KLC1: variants seen among roughly 807,000 people sequenced by gnomAD.
KLC1 encodes the protein kinesin light chain 1.
A neutral mutation model predicts 84.2 loss-of-function variants in KLC1; 30 were observed. The observed-to-expected ratio is 0.36, with a 90% confidence interval of 0.27 to 0.48. The LOEUF (loss-of-function observed/expected upper bound fraction) is 0.48. Among genes scored for constraint, KLC1 ranks in the 20% least tolerant of loss-of-function variants. KLC1 has a pLI of 0.99. For synonymous variants in KLC1, 289 were observed against 293.3 expected (o/e 0.99, Z 0.15); for missense variants, 499 against 805.4 (o/e 0.62, Z 4.60).
intron 1 of KLC1, among the ~76,000 whole-genome samples, chr14:103,634,351 G>T (rs2076898945): frequency 6.6e-6 from 1 of 152,114 alleles, no homozygotes; most frequent in Non-Finnish European, 1.5e-5. Context: ...TCTAATTTGG[G>T]TGATTCACTG....
chr14:103,665,381 T>C (rs1411124354), intron 5 of KLC1, among the ~76,000 whole-genome samples: 1 of 151,782 alleles, frequency 6.6e-6, no homozygotes, highest in Non-Finnish European at 1.5e-5. Flanking sequence ...TGATTTCTTT[T>C]CTTTCTTTCT....
chr14:103,631,115 C>G (rs970193715), intron 1 of KLC1, among the ~76,000 whole-genome samples: 2 of 151,300 alleles, frequency 1.3e-5, no homozygotes, highest in African/African-American at 2.4e-5. Flanking sequence ...GAGTCTCGCT[C>G]TGTCGCCCGG....
In KLC1 at chr14:103,673,374, A is replaced by G; in HGVS notation, c.1204A>G (p.Thr402Ala). The G allele has an allele frequency of 1.2e-6, 2 of 1,609,392 alleles. No individual in the cohort carries two copies. The highest frequency in any genetic ancestry group is 1.1e-5 in the South Asian group (1 of 89,596). ...ACAAGGAAAGTTCAAGCAAGCAGAAACACTGTACAAAGAGATTCTCACTCG... is the reference window on the plus strand; with the variant it reads ...ACAAGGAAAGTTCAAGCAAGCAGAAGCACTGTACAAAGAGATTCTCACTCG... ...LKQGKFKQAE[T>A]LYKEILTRAH... Residue 402 changes from threonine to alanine, a missense_variant, in exon 9 of 17, where the codon ACA becomes GCA. Physicochemically the swap from Thr to Ala is moderately conservative, Grantham distance 58. Transcript: ENST00000334553.
intron 12 of KLC1, among the ~76,000 whole-genome samples, chr14:103,678,606 C>G (rs967206729): frequency 6.6e-6 from 1 of 151,594 alleles, no homozygotes; most frequent in Non-Finnish European, 1.5e-5. Flanking sequence ...GGGAGGATCG[C>G]TTGAACCCGG....
At chr14:103,684,728 G>C in intron 13 of KLC1, 1 of 467,132 alleles carries the variant, frequency 2.1e-6, no homozygotes, top group Admixed American at 3.3e-5. Flanking sequence ...GCACGCGTGT[G>C]TGTGTGTGTC....
chr14:103,663,639 C>G (rs1235825391), intron 5 of KLC1, among the ~76,000 whole-genome samples: 1 of 152,158 alleles, frequency 6.6e-6, no homozygotes, highest in Non-Finnish European at 1.5e-5. Context: ...ATTCAACTTG[C>G]CCTTTGCCCC....
chr14:103,643,520 G>A lies in KLC1; in HGVS notation c.-1-11044G>A, dbSNP rs544091565. ...TCTGAGCCAAATATGAGTGACCATG[G>A]CCCGTGACACAGCCCTCAGGAAGTC... is the stretch of plus-strand genomic sequence containing the variant. On this transcript the variant is annotated intron_variant, in intron 1 of 16. Transcript: ENST00000334553. Among the ~76,000 whole-genome samples, 15 of 152,332 alleles carry A rather than the reference G, an allele frequency of 9.8e-5. No homozygotes were observed. In the East Asian group the frequency reaches 2.3e-3, roughly 23 times the overall value.
chr14:103,694,699 C>T lies in KLC1; in HGVS notation c.1848+2274C>T, dbSNP rs1567042908. The T allele has an allele frequency of 3.2e-5, 32 of 985,342 alleles. No individual in the cohort carries two copies. The highest frequency in any genetic ancestry group is 1.1e-4 in the East Asian group (1 of 8,832). The allele number at this position is 985,342 out of a possible 1,614,324, so 61.0% of individuals were successfully genotyped here. A position where few individuals can be genotyped will look rare whatever the true frequency, so the allele number is the denominator to read the frequency against. The stretch of plus-strand genomic sequence containing the variant: ...GCGGTCTGTGAAACACCAGCCATCC[C>T]GTGAAAGCTCAGCTTGCCACTGTCA... On this transcript the variant is annotated intron_variant, in intron 15 of 16. Coordinates refer to ENST00000334553, the MANE Select transcript of KLC1 (RefSeq NM_001394837.1). The surrounding 1 kb of genome is among the most constrained non-coding windows in gnomAD (Gnocchi z 4.5).
intron 1 of KLC1, among the ~76,000 whole-genome samples, chr14:103,649,543 A>G (rs1447052289): frequency 6.7e-6 from 1 of 148,190 alleles, no homozygotes; most frequent in Non-Finnish European, 1.5e-5. Context: ...AGCCTGGGCA[A>G]CATGGTGAGA....
At chr14:103,648,765 C>T (rs1412009605) in intron 1 of KLC1, among the ~76,000 whole-genome samples, 1 of 152,104 alleles carries the variant, frequency 6.6e-6, no homozygotes, top group African/African-American at 2.4e-5. Context: ...CATGCCACTG[C>T]ACTTCAGCCT....
intron 1 of KLC1, among the ~76,000 whole-genome samples, chr14:103,642,751 T>C (rs1424674885): frequency 2.6e-5 from 4 of 151,378 alleles, no homozygotes; most frequent in Non-Finnish European, 5.9e-5. Context: ...ATAAATAATG[T>C]AGTTTTTTGG....
At position 103,660,298 on chromosome 14, in the gene KLC1, T is replaced by C. The variant is rs143877232; in HGVS notation, c.493-1818T>C. Among the ~76,000 whole-genome samples, 662 of 151,900 alleles carry C rather than the reference T, an allele frequency of 4.4e-3. 1 individual carries two copies. The highest frequency in any genetic ancestry group is 6.0e-3 in the Non-Finnish European group (411 of 67,946). ...GAGTTGGAGGACAGCCTGGCCAATATAGTGAAACCCTATCTCTACTAAAAA... is the reference window on the plus strand; with the variant it reads ...GAGTTGGAGGACAGCCTGGCCAATACAGTGAAACCCTATCTCTACTAAAAA... On this transcript the variant is annotated intron_variant, in intron 3 of 16. Coordinates refer to ENST00000334553, the MANE Select transcript of KLC1 (RefSeq NM_001394837.1).
chr14:103,681,413 G>A (rs1345031482), intron 13 of KLC1, among the ~76,000 whole-genome samples: 1 of 152,168 alleles, frequency 6.6e-6, no homozygotes, highest in Non-Finnish European at 1.5e-5. Context: ...AAGGTTCTGA[G>A]AAGGCAGAAT....
intron 12 of KLC1, among the ~76,000 whole-genome samples, chr14:103,677,825 G>A (rs2081030524): frequency 6.6e-6 from 1 of 151,754 alleles, no homozygotes; most frequent in Non-Finnish European, 1.5e-5. Context: ...TGGGCGTGGT[G>A]GCACACGCCT....
rs1261352683 is a variant in KLC1, at chr14:103,657,707, G to A, written c.423G>A (p.Leu141=). 3 of 1,614,026 alleles carry A rather than the reference G, an allele frequency of 1.9e-6. No individual in the cohort carries two copies. Among genetic ancestry groups the A allele is most frequent in the East Asian group, 2.2e-5 (1 of 44,894 alleles). The change falls in exon 3 of 17, where the codon CTG becomes CTA. Residue 141 remains leucine (L), a synonymous_variant. Transcript: ENST00000334553. The part of the protein sequence containing the change: ...LQKSEQSVAQ[L]EEEKKHLEFM... ...AGAGTGAGCAGTCTGTGGCTCAACT[G>A]GAGGAGGAGAAGAAGCATCTGGAGT...
intron 1 of KLC1, among the ~76,000 whole-genome samples, chr14:103,638,531 T>C (rs2077222563): frequency 6.6e-6 from 1 of 151,908 alleles, no homozygotes; most frequent in Admixed American, 6.6e-5. Context: ...TTTTTTTTTT[T>C]CTTAACTTTC....
rs1301279531 is a variant in KLC1 at position 103,642,769 on chromosome 14, G to GT, written c.-1-11779dup. Among the ~76,000 whole-genome samples the GT allele has an allele frequency of 7.6e-3, 1,065 of 139,864 alleles. 9 individuals carry two copies. The highest frequency in any genetic ancestry group is 0.023 in the East Asian group (114 of 4,874). The allele number at this position is 139,864 out of a possible 152,430, so 91.8% of individuals were successfully genotyped here. A position where few individuals can be genotyped will look rare whatever the true frequency, so the allele number is the denominator to read the frequency against. Reference sequence around the variant, plus strand: ...AATAATGTAGTTTTTTGGTTTTTTGGTTTTTTTTTTTTTTTTGAGACGGAG... The same window carrying GT: ...AATAATGTAGTTTTTTGGTTTTTTGGTTTTTTTTTTTTTTTTTGAGACGGAG... On this transcript the variant is annotated intron_variant, in intron 1 of 16. Coordinates refer to ENST00000334553, the MANE Select transcript of KLC1 (RefSeq NM_001394837.1).
chr14:103,691,458 CT>C (rs71126053), intron 14 of KLC1, among the ~76,000 whole-genome samples: 74 of 68,824 alleles, frequency 1.1e-3, no homozygotes, highest in African/African-American at 4.3e-3. Context: ...CCACGCCTGG[CT>C]TTTTTTTTTT....
At chr14:103,650,938 C>T (rs910213743) in intron 1 of KLC1, among the ~76,000 whole-genome samples, 7 of 152,026 alleles carry the variant, frequency 4.6e-5, no homozygotes, top group Non-Finnish European at 1.0e-4. Flanking sequence ...CCCTCAGAAA[C>T]GCATTTTGTT....
Sources: allele counts gnomAD v4.1 joint callset (sites outside exome capture counted in the v4.1 genomes callset), GRCh38; gene constraint gnomAD v4.1.1; non-coding constraint Gnocchi (gnomAD v3.1); transcripts MANE v1.5; gene names NCBI Gene and HGNC (gene_info 2026-07-23, HGNC 2026-07-21).